PDXK: variants seen among roughly 807,000 people sequenced by gnomAD.
PDXK encodes the protein epididymis secretory sperm binding protein Li 1a.
In PDXK, 15 loss-of-function variants were observed where a neutral mutation model predicts 43.2. The observed-to-expected ratio is 0.35, with a 90% CI of 0.23 to 0.53. The LOEUF (loss-of-function observed/expected upper bound fraction) is 0.53, where lower values mean the gene tolerates loss of function less well. PDXK is among the 20% of genes least tolerant of loss of function. PDXK has a pLI of 0.92. For synonymous variants in PDXK, 172 were observed against 165.4 expected (o/e 1.04, Z -0.31); for missense variants, 343 against 417.0 (o/e 0.82, Z 1.54).
chr21:43,748,872 C>A, intron 5 of PDXK, 123 bp from the exon 6 acceptor site: 1 of 665,294 alleles, frequency 1.5e-6, no homozygotes, highest in Admixed American at 2.5e-5. Context: ...GGGGGCCTGG[C>A]CCCTGAGCCT....
chr21:43,743,818 G>T lies in PDXK; in HGVS notation c.331+11G>T, dbSNP rs371428659. 1.3e-5 allele frequency: 21 copies of T among 1,602,356 alleles called. No homozygotes were observed. The South Asian group carries it at 2.1e-4, about 16-fold the overall frequency. On this transcript the variant is annotated intron_variant, in intron 4 of 10. Transcript: ENST00000291565. ...CCAGGCTGGTGTACGGTAGGCAGGG[G>T]CCCACCCTCGGGTCTGGCTGTGTGG...
chr21:43,720,071 A>G (rs2083194350), intron 1 of PDXK, among the ~76,000 whole-genome samples: 1 of 152,242 alleles, frequency 6.6e-6, no homozygotes, highest in Non-Finnish European at 1.5e-5. Context: ...GATTGGCTTT[A>G]GGGAGCCAGC....
At chr21:43,730,102 C>CTGATTGAT (rs140082408) in intron 1 of PDXK, among the ~76,000 whole-genome samples, 35 of 151,764 alleles carry the variant, frequency 2.3e-4, no homozygotes, top group African/African-American at 4.1e-4. Flanking sequence ...TTGCTCATAT[C>CTGATTGAT]TGATTGATTG....
intron 3 of PDXK, 31 bp from the exon 4 acceptor site, chr21:43,743,693 T>G: frequency 6.6e-7 from 1 of 1,504,990 alleles, no homozygotes; most frequent in Non-Finnish European, 9.3e-7. Flanking sequence ...TCTCCTGTTT[T>G]CTGAGGGTGA....
chr21:43,750,614 C>G (rs2083719576), intron 7 of PDXK, 69 bp downstream of exon 7: 1 of 1,247,390 alleles, frequency 8.0e-7, no homozygotes, highest in African/African-American at 1.5e-5. Context: ...AGACAGGCTG[C>G]CTGAGTGGCA....
intron 5 of PDXK, 130 bp from the exon 6 acceptor site, chr21:43,748,865 G>A: frequency 1.5e-6 from 1 of 656,758 alleles, no homozygotes; most frequent in Admixed American, 2.5e-5. Context: ...ACAGTCGGGG[G>A]GCCTGGCCCC....
At chr21:43,722,855 T>A (rs532448962) in intron 1 of PDXK, among the ~76,000 whole-genome samples, 1 of 152,338 alleles carries the variant, frequency 6.6e-6, no homozygotes, top group Non-Finnish European at 1.5e-5. Flanking sequence ...TTCTTTTTTT[T>A]GAGACGGAGT....
chr21:43,740,281 CAG>C (rs1365925673), intron 2 of PDXK, among the ~76,000 whole-genome samples: 4 of 152,156 alleles, frequency 2.6e-5, no homozygotes, highest in East Asian at 1.9e-4. Context: ...GGAGGGCCCT[CAG>C]GGGCAGGAGC....
chr21:43,752,255 C>A (rs1020918327), intron 7 of PDXK, among the ~76,000 whole-genome samples: 29 of 152,250 alleles, frequency 1.9e-4, no homozygotes, highest in Non-Finnish European at 3.7e-4. Flanking sequence ...CTGTCCACCC[C>A]CCAAGGGGGA....
At chr21:43,742,199 A>G (rs577671351) in intron 3 of PDXK, among the ~76,000 whole-genome samples, 1 of 152,262 alleles carries the variant, frequency 6.6e-6, no homozygotes, top group South Asian at 2.1e-4. Context: ...ATTATTTTTG[A>G]GACAGGGTCT....
Position 43,749,028 on chromosome 21 carries a change from G to A in PDXK, c.412G>A (p.Glu138Lys). 6.2e-7 allele frequency: 1 copy of A among 1,612,796 alleles called. No homozygotes were observed. ...GGAGGACCTCCTTCCCGTCTACAAA[G>A]AAAAAGTGGTGCCGCTTGCAGACAT... ...VPEDLLPVYKEKVVPLADIIT... is the reference protein window; with the variant it reads ...VPEDLLPVYKKKVVPLADIIT... The change falls in exon 6 of 11, where the codon GAA becomes AAA. Residue 138 changes from glutamate (E) to lysine (K), a missense_variant. Coordinates refer to ENST00000291565, the MANE Select transcript of PDXK (RefSeq NM_003681.5).
Position 43,761,901 on chromosome 21 carries a change from C to G in PDXK, c.*5838C>G, listed in dbSNP as rs1181241402. On this transcript the variant is annotated 3_prime_UTR_variant, in exon 11 of 11. Transcript: ENST00000291565. ...ATGGACGTGAGTCCTCAGCTGGCTC[C>G]GCGTGGGCCCTTGGAGGGTGCCAGG... 6.5e-6 allele frequency: 1 copy of G among 153,742 alleles called. No individual in the cohort carries two copies. The highest frequency in any genetic ancestry group is 1.5e-5 in the Non-Finnish European group (1 of 68,138). 9.5% of individuals were successfully genotyped at this position (153,742 alleles called of 1,614,324 possible). A position where few individuals can be genotyped will look rare whatever the true frequency, so the allele number is the denominator to read the frequency against.
At chr21:43,744,882 GACAA>G (rs35790852) in intron 4 of PDXK, among the ~76,000 whole-genome samples, 85 of 152,324 alleles carry the variant, frequency 5.6e-4, no homozygotes, top group Admixed American at 1.3e-3. Flanking sequence ...ATGGGTGATA[GACAA>G]ACAAAGTGTC....
rs568397889 is a variant in PDXK, at chr21:43,735,147, G to A, written c.142+1024G>A. Among the ~76,000 whole-genome samples, 3 of 152,342 alleles carry A rather than the reference G, an allele frequency of 2.0e-5. No homozygotes were observed. The highest frequency in any genetic ancestry group is 2.1e-4 in the South Asian group (1 of 4,824). ...GAAACCCTTTCCTGCCTTTGCTTGC[G>A]GGGCACACTGGGTGCTGTGAGATTT... On this transcript the variant is annotated intron_variant, in intron 2 of 10. Transcript: ENST00000291565. This position sits in a 1 kb window ranked among gnomAD's most constrained non-coding sequence, Gnocchi z 5.3.
intron 2 of PDXK, chr21:43,738,423 A>C (rs1373514590): frequency 6.8e-6 from 1 of 146,712 alleles, no homozygotes; most frequent in Non-Finnish European, 1.5e-5. Flanking sequence ...GGCACCCTGT[A>C]TTAGTCCGTT....
chr21:43,753,564 G>A lies in PDXK; in HGVS notation c.623-19G>A. On this transcript the variant is annotated intron_variant, in intron 8 of 10. Transcript: ENST00000291565. Reference sequence around the variant, plus strand: ...AGGAGCGGCAGATCTCAGTGACCTTGCCCATCTTCTCCCCCTAGGGAATCC... The same window carrying A: ...AGGAGCGGCAGATCTCAGTGACCTTACCCATCTTCTCCCCCTAGGGAATCC... The A allele has an allele frequency of 1.9e-6, 3 of 1,601,762 alleles. No individual in the cohort carries two copies. The highest frequency in any genetic ancestry group is 2.6e-6 in the Non-Finnish European group (3 of 1,171,714).
At position 43,752,548 on chromosome 21, in the gene PDXK, G is replaced by A. The variant is rs369091058; in HGVS notation, c.541G>A (p.Asp181Asn). 920 of 1,612,304 alleles carry A rather than the reference G, an allele frequency of 5.7e-4. 8 individuals are homozygous for A. The South Asian group carries it at 9.4e-3, about 17-fold the overall frequency. ...VMDMLHSMGPDTVVITSSDLP... is the reference protein window; with the variant it reads ...VMDMLHSMGPNTVVITSSDLP... ...GGACATGCTGCACTCTATGGGCCCC[G>A]ACACCGTGGTCATCACCAGCTCCGA... The change falls in exon 8 of 11, where the codon GAC becomes AAC. Residue 181 changes from aspartate to asparagine, a missense_variant. Coordinates refer to ENST00000291565, the MANE Select transcript of PDXK (RefSeq NM_003681.5).
rs2083928300 is a variant in PDXK at position 43,761,269 on chromosome 21, C to T, written c.*5206C>T. On this transcript the variant is annotated 3_prime_UTR_variant, in exon 11 of 11. Coordinates refer to ENST00000291565, the MANE Select transcript of PDXK (RefSeq NM_003681.5). Reference sequence around the variant, plus strand: ...CAAATGCCAGCCTCTCCTTTCTTCCCATCCACCAGTATACTGCGGGGCCAT... The same window carrying T: ...CAAATGCCAGCCTCTCCTTTCTTCCTATCCACCAGTATACTGCGGGGCCAT... The T allele has an allele frequency of 6.6e-6, 1 of 152,368 alleles. No individual in the cohort carries two copies. Among genetic ancestry groups the T allele is most frequent in the African/African-American group, 2.4e-5 (1 of 41,440 alleles). The allele number at this position is 152,368 out of a possible 1,614,324, so 9.4% of individuals were successfully genotyped here. A position where few individuals can be genotyped will look rare whatever the true frequency, so the allele number is the denominator to read the frequency against.
Position 43,734,179 on chromosome 21 carries a change from G to A in PDXK, c.142+56G>A. 1 of 1,483,812 alleles carries A rather than the reference G, an allele frequency of 6.7e-7. No individual in the cohort carries two copies. Among genetic ancestry groups the A allele is most frequent in the Non-Finnish European group, 9.2e-7 (1 of 1,081,168 alleles). The allele number at this position is 1,483,812 out of a possible 1,614,324, so 91.9% of individuals were successfully genotyped here. ...AGCAGACTGTGGGTGTGAGGGACGGGGCGGAGTGTGGGTGTGAGGGACGGG... is the reference window on the plus strand; with the variant it reads ...AGCAGACTGTGGGTGTGAGGGACGGAGCGGAGTGTGGGTGTGAGGGACGGG... On this transcript the variant is annotated intron_variant, in intron 2 of 10. Transcript: ENST00000291565. The surrounding 1 kb of genome is among the most constrained non-coding windows in gnomAD (Gnocchi z 5.0).
Sources: gnomAD v4.1 joint callset for allele counts (sites outside exome capture counted in the v4.1 genomes callset) on GRCh38, gnomAD v4.1.1 for gene constraint, Gnocchi (gnomAD v3.1) non-coding constraint, MANE v1.5 for transcripts, NCBI Gene and HGNC (gene_info 2026-07-23, HGNC 2026-07-21) for gene names.